Variants in PCDHGB4 observed in about 807,000 individuals in gnomAD.
The protein encoded by PCDHGB4 is protocadherin gamma subfamily B, 4.
PCDHGB4 carries 38 observed loss-of-function variants against 60.5 expected under a neutral mutation model. That is an observed-to-expected ratio of 0.63 (90% confidence interval 0.48 to 0.82). The LOEUF (loss-of-function observed/expected upper bound fraction) is 0.82. PCDHGB4 is among the 40% of genes least tolerant of loss of function. PCDHGB4 has a pLI of 0.00. For missense variants in PCDHGB4, 1,109 were observed against 1,209.6 expected (o/e 0.92, Z 1.23); for synonymous variants, 456 against 509.7 (o/e 0.89, Z 1.42).
In PCDHGB4 at chr5:141,477,380, G is replaced by C; in HGVS notation, c.2398-17427G>C. The C allele has an allele frequency of 6.2e-7, 1 of 1,614,116 alleles. No homozygotes were observed. The highest frequency in any genetic ancestry group is 8.5e-7 in the Non-Finnish European group (1 of 1,180,028). On this transcript the variant is annotated intron_variant, in intron 1 of 3. Transcript: ENST00000519479. The surrounding 1 kb of genome is among the most constrained non-coding windows in gnomAD (Gnocchi z 4.9). ...AGACCTGGATCGGGAGACTGTGCCA[G>C]AATACAACCTCAGCATCACCGCCCG...
intron 1 of PCDHGB4, chr5:141,419,344 C>T (rs2096363174): frequency 1.9e-6 from 3 of 1,613,732 alleles, no homozygotes; most frequent in Non-Finnish European, 2.5e-6. Flanking sequence ...TTGCCAGCGA[C>T]CTGGAGTCAC....
In PCDHGB4 at chr5:141,490,413, G is replaced by C. The variant is rs2233606; in HGVS notation, c.2398-4394G>C. 6 of 1,614,128 alleles carry C rather than the reference G, an allele frequency of 3.7e-6. No individual in the cohort carries two copies. In the South Asian group the frequency reaches 4.4e-5, roughly 12 times the overall value. On this transcript the variant is annotated intron_variant, in intron 1 of 3. Transcript: ENST00000519479. The surrounding 1 kb of genome is among the most constrained non-coding windows in gnomAD (Gnocchi z 5.4). ...GTGAAGTGAGCCTTGATATCTCTCCGGACCTGCCATTTCAGATTAAGCCTT... is the reference window on the plus strand; with the variant it reads ...GTGAAGTGAGCCTTGATATCTCTCCCGACCTGCCATTTCAGATTAAGCCTT...
rs9324852 is a variant in PCDHGB4, at chr5:141,510,333, C to T, written c.2546-614C>T. On this transcript the variant is annotated intron_variant, in intron 3 of 3. Coordinates refer to ENST00000519479, the MANE Select transcript of PCDHGB4 (RefSeq NM_003736.4). ...AGGCTTGGAAGAGCACTCTTCACCC[C>T]CACCCCACACACTTACTAACGGAAC... Among the ~76,000 whole-genome samples the T allele has an allele frequency of 2.4e-3, 367 of 151,698 alleles. 1 individual carries two copies. Among genetic ancestry groups the T allele is most frequent in the African/African-American group, 8.4e-3 (348 of 41,384 alleles).
chr5:141,495,434 G>A (rs1038100521), intron 2 of PCDHGB4, among the ~76,000 whole-genome samples: 2 of 152,196 alleles, frequency 1.3e-5, no homozygotes, highest in Non-Finnish European at 2.9e-5. Flanking sequence ...ACTGTCCTCT[G>A]CCCCTACTTG....
Position 141,414,566 on chromosome 5 carries a change from A to G in PCDHGB4, c.2397+24285A>G, listed in dbSNP as rs375828619. The stretch of plus-strand genomic sequence containing the variant: ...TTCTCTCAAGTCTCCTACTTTACCT[A>G]TATCCCAGAGAACAACGCCAGGGGT... On this transcript the variant is annotated intron_variant, in intron 1 of 3. Coordinates refer to ENST00000519479, the MANE Select transcript of PCDHGB4 (RefSeq NM_003736.4). The G allele has an allele frequency of 6.6e-5, 106 of 1,613,800 alleles. No homozygotes were observed. Among genetic ancestry groups the G allele is most frequent in the Non-Finnish European group, 8.4e-5 (99 of 1,179,878 alleles).
chr5:141,508,535 C>A (rs1294413041), intron 3 of PCDHGB4, among the ~76,000 whole-genome samples: 1 of 152,172 alleles, frequency 6.6e-6, no homozygotes, highest in Non-Finnish European at 1.5e-5. Context: ...GGGCACCCCC[C>A]ACGAGGTGGG....
At position 141,479,006 on chromosome 5, in the gene PCDHGB4, T is replaced by C. The variant is rs148063283; in HGVS notation, c.2398-15801T>C. On this transcript the variant is annotated intron_variant, in intron 1 of 3. Transcript: ENST00000519479. ...ACATTTGTATTAAAACTAATAGCTT[T>C]TTGATAATTTTCCTTTGTTTATACA... Among the ~76,000 whole-genome samples the C allele has an allele frequency of 1.2e-3, 179 of 152,340 alleles. 2 individuals are homozygous for C. The highest frequency in any genetic ancestry group is 0.011 in the Admixed American group (170 of 15,300).
intron 1 of PCDHGB4, chr5:141,392,622 A>C: frequency 3.6e-6 from 2 of 558,650 alleles, no homozygotes; most frequent in Non-Finnish European, 6.1e-6. Flanking sequence ...AACCGAAAAC[A>C]CTCAGATCTC....
At chr5:141,419,533 C>T in intron 1 of PCDHGB4, 1 of 1,612,106 alleles carries the variant, frequency 6.2e-7, no homozygotes, top group Non-Finnish European at 8.5e-7. Context: ...GTAACGACAA[C>T]GCACCGCGGG....
At chr5:141,501,326 CACACACA>C (rs1562200783) in intron 2 of PCDHGB4, among the ~76,000 whole-genome samples, 10 of 151,784 alleles carry the variant, frequency 6.6e-5, no homozygotes, top group African/African-American at 1.9e-4. Flanking sequence ...CACACACACA[CACACACA>C]CCCCAAACTC....
chr5:141,405,461 C>T, intron 1 of PCDHGB4: 1 of 1,220,756 alleles, frequency 8.2e-7, no homozygotes, highest in Non-Finnish European at 1.1e-6. Context: ...ACTCTGTTAC[C>T]CAGGCTGGAA....
At position 141,491,765 on chromosome 5, in the gene PCDHGB4, A is replaced by C; in HGVS notation, c.2398-3042A>C. 1 of 1,569,230 alleles carries C rather than the reference A, an allele frequency of 6.4e-7. No homozygotes were observed. On this transcript the variant is annotated intron_variant, in intron 1 of 3. Coordinates refer to ENST00000519479, the MANE Select transcript of PCDHGB4 (RefSeq NM_003736.4). This position sits in a 1 kb window ranked among gnomAD's most constrained non-coding sequence, Gnocchi z 6.9. The stretch of plus-strand genomic sequence containing the variant: ...GGCACTGGAGAAGCCGCCCGTCCTC[A>C]TAAGGGATTGAACTTGCATCCACTC...
At chr5:141,391,449 A>C (rs1432134490) in intron 1 of PCDHGB4, 2 of 152,026 alleles carry the variant, frequency 1.3e-5, no homozygotes, top group Admixed American at 1.3e-4. Context: ...ACTAGCTGGA[A>C]CTCAGGCTCA....
chr5:141,453,317 G>A (rs1218359210), intron 1 of PCDHGB4, among the ~76,000 whole-genome samples: 1 of 151,178 alleles, frequency 6.6e-6, no homozygotes, highest in Non-Finnish European at 1.5e-5. Flanking sequence ...ATTTATTTTA[G>A]AGATGGGGTC....
intron 1 of PCDHGB4, chr5:141,478,259 T>G: frequency 6.2e-7 from 1 of 1,614,182 alleles, no homozygotes. Context: ...AGTAATCATA[T>G]TCAAAGTTTA....
intron 1 of PCDHGB4, chr5:141,479,269 A>G (rs1279389471): frequency 6.6e-6 from 1 of 152,374 alleles, no homozygotes; most frequent in African/African-American, 2.4e-5. Flanking sequence ...TAAAAGTAAT[A>G]ATTTATTTCA....
At chr5:141,437,878 C>A (rs1047761465) in intron 1 of PCDHGB4, among the ~76,000 whole-genome samples, 13 of 151,996 alleles carry the variant, frequency 8.6e-5, no homozygotes, top group Non-Finnish European at 1.5e-4. Flanking sequence ...GCTGGGACTA[C>A]AGGCACACGC....
In PCDHGB4 at chr5:141,490,540, C is replaced by T; in HGVS notation, c.2398-4267C>T. The T allele has an allele frequency of 6.2e-7, 1 of 1,614,148 alleles. No homozygotes were observed. Among genetic ancestry groups the T allele is most frequent in the Non-Finnish European group, 8.5e-7 (1 of 1,180,024 alleles). ...GGCCAGCGATGCTGGTTCACCTTCC[C>T]TACACAAACATCTCACCATCAGGCT... On this transcript the variant is annotated intron_variant, in intron 1 of 3. Coordinates refer to ENST00000519479, the MANE Select transcript of PCDHGB4 (RefSeq NM_003736.4). This position sits in a 1 kb window ranked among gnomAD's most constrained non-coding sequence, Gnocchi z 5.4.
chr5:141,459,162 T>A (rs1408033955), intron 1 of PCDHGB4, among the ~76,000 whole-genome samples: 3 of 152,224 alleles, frequency 2.0e-5, no homozygotes, highest in African/African-American at 7.2e-5. Context: ...AACATTTCTA[T>A]AACCTTCAAA....
Sources: gnomAD v4.1 joint callset for allele counts (sites outside exome capture counted in the v4.1 genomes callset) on GRCh38, gnomAD v4.1.1 for gene constraint, Gnocchi (gnomAD v3.1) non-coding constraint, MANE v1.5 for transcripts, NCBI Gene and HGNC (gene_info 2026-07-23, HGNC 2026-07-21) for gene names.